MEGF10: variants seen among roughly 807,000 people sequenced by gnomAD.
MEGF10 encodes multiple epidermal growth factor-like domains protein 10.
In MEGF10, 86 loss-of-function variants were observed where a neutral mutation model predicts 147.5. The ratio of observed to expected loss-of-function variants is 0.58; its 90% CI spans 0.49 to 0.70. MEGF10 has a LOEUF of 0.70. Among genes scored for constraint, MEGF10 ranks in the 30% least tolerant of loss-of-function variants. The pLI is 0.00. For synonymous variants in MEGF10, 478 were observed against 525.5 expected (o/e 0.91, Z 1.24); for missense variants, 1,329 against 1,487.3 (o/e 0.89, Z 1.75).
At chr5:127,408,277 C>G (rs779294275) in intron 8 of MEGF10, among the ~76,000 whole-genome samples, 11 of 152,144 alleles carry the variant, frequency 7.2e-5, no homozygotes, top group Non-Finnish European at 1.5e-4. Context: ...TAAAACTTAA[C>G]ATTTGGGTTT....
In MEGF10 at chr5:127,433,484, C is replaced by T; in HGVS notation, c.1815C>T (p.Gly605=). ...PDDGICECAP[G]FRGTTCQRIC... is the part of the protein sequence containing the mutation. ...ATGGCATCTGCGAGTGTGCACCAGGCTTCCGAGGCACCACTTGTCAGAGGA... is the reference window on the plus strand; with the variant it reads ...ATGGCATCTGCGAGTGTGCACCAGGTTTCCGAGGCACCACTTGTCAGAGGA... The change falls in exon 14 of 25, where the codon GGC becomes GGT. Residue 605 remains glycine, a synonymous_variant. Transcript: ENST00000503335. The T allele has an allele frequency of 6.2e-7, 1 of 1,610,454 alleles. No homozygotes were observed. The highest frequency in any genetic ancestry group is 1.1e-5 in the South Asian group (1 of 90,358).
At chr5:127,265,608 C>A in the MEGF10 span, among the ~76,000 whole-genome samples, 1 of 152,116 alleles carries the variant, frequency 6.6e-6, no homozygotes, top group Non-Finnish European at 1.5e-5. Flanking sequence ...TAATGATCGC[C>A]ATTCTAACTG....
chr5:127,346,067 G>A (rs1761874113), intron 4 of MEGF10, among the ~76,000 whole-genome samples: 1 of 152,082 alleles, frequency 6.6e-6, no homozygotes, highest in Admixed American at 6.6e-5. Context: ...TGGTGTGTAT[G>A]TATGTATGTA....
chr5:127,349,932 A>G (rs1011269158), intron 4 of MEGF10, among the ~76,000 whole-genome samples: 8 of 152,120 alleles, frequency 5.3e-5, no homozygotes, highest in African/African-American at 1.4e-4. Flanking sequence ...GGTCATTGAG[A>G]TATGTAAATA....
In MEGF10 at chr5:127,423,749, G is replaced by A. The variant is rs79437883; in HGVS notation, c.1693+977G>A. Among the ~76,000 whole-genome samples the A allele has an allele frequency of 5.5e-3, 840 of 151,878 alleles. 11 individuals are homozygous for A. The highest frequency in any genetic ancestry group is 0.019 in the African/African-American group (775 of 41,422). ...AACTGGATTTTCTTTTTACTATGGC[G>A]TTATAATCTTTATATTTTTTAGATA... On this transcript the variant is annotated intron_variant, in intron 13 of 24. Coordinates refer to ENST00000503335, the MANE Select transcript of MEGF10 (RefSeq NM_001256545.2).
intron 8 of MEGF10, among the ~76,000 whole-genome samples, chr5:127,409,031 G>C (rs148047281): frequency 6.4e-4 from 98 of 152,164 alleles, no homozygotes; most frequent in African/African-American, 2.3e-3. Context: ...GAGCTATGAT[G>C]GCACCACTGC....
intron 5 of MEGF10, among the ~76,000 whole-genome samples, chr5:127,375,584 T>C (rs1475405083): frequency 6.6e-6 from 1 of 152,238 alleles, no homozygotes; most frequent in African/African-American, 2.4e-5. Flanking sequence ...TCCTAGCTTT[T>C]ATGAGTGAAT....
chr5:127,340,661 G>T, intron 4 of MEGF10, 31 bp downstream of exon 4: 1 of 1,583,772 alleles, frequency 6.3e-7, no homozygotes, highest in East Asian at 2.2e-5. Context: ...TTTGAGATTC[G>T]CTAGTTTTTC....
At position 127,398,090 on chromosome 5, in the gene MEGF10, A is replaced by G. The variant is rs1763990964; in HGVS notation, c.660-586A>G. 2.6e-5 allele frequency among the ~76,000 whole-genome samples: 4 copies of G among 151,448 alleles called. No individual in the cohort carries two copies. In the South Asian group the frequency reaches 8.4e-4, roughly 32 times the overall value. On this transcript the variant is annotated intron_variant, in intron 6 of 24. Coordinates refer to ENST00000503335, the MANE Select transcript of MEGF10 (RefSeq NM_001256545.2). Reference sequence around the variant, plus strand: ...GGGGGTGGGGGGAAAGGGGAGGGAGAGCATTAGGACAAATACCTAATGCAT... The same window carrying G: ...GGGGGTGGGGGGAAAGGGGAGGGAGGGCATTAGGACAAATACCTAATGCAT...
chr5:127,283,777 T>TA, the MEGF10 span, among the ~76,000 whole-genome samples: 1 of 152,336 alleles, frequency 6.6e-6, no homozygotes, highest in Admixed American at 6.5e-5. Flanking sequence ...GAGAGGGCAT[T>TA]ACATATGGTA....
chr5:127,282,884 G>C, the MEGF10 span, among the ~76,000 whole-genome samples: 1 of 152,190 alleles, frequency 6.6e-6, no homozygotes, highest in African/African-American at 2.4e-5. Context: ...TTGATCTTGA[G>C]AGCATCATGT....
At chr5:127,256,430 A>G in the MEGF10 span, among the ~76,000 whole-genome samples, 1 of 152,118 alleles carries the variant, frequency 6.6e-6, no homozygotes, top group Admixed American at 6.6e-5. Flanking sequence ...TCCTGTTAAT[A>G]ATTATCCCTG....
chr5:127,377,054 A>G (rs1056931343), intron 5 of MEGF10, among the ~76,000 whole-genome samples: 4 of 152,178 alleles, frequency 2.6e-5, no homozygotes, highest in Admixed American at 2.0e-4. Context: ...AATACTAGAG[A>G]TGATGAATTC....
chr5:127,255,972 T>TACTGCC, the MEGF10 span, among the ~76,000 whole-genome samples: 1 of 152,158 alleles, frequency 6.6e-6, no homozygotes, highest in Non-Finnish European at 1.5e-5. Context: ...GAGGAAATGC[T>TACTGCC]ACTGCCACTG....
chr5:127,438,524 A>G lies in MEGF10; in HGVS notation c.2190A>G (p.Glu730=). The G allele has an allele frequency of 1.2e-6, 2 of 1,614,128 alleles. No homozygotes were observed. The highest frequency in any genetic ancestry group is 1.7e-5 in the Admixed American group (1 of 60,018). Residue 730 remains glutamate, a synonymous_variant, in exon 17 of 25, where the codon GAA becomes GAG. Transcript: ENST00000503335. The stretch of plus-strand genomic sequence containing the variant: ...CTTTCTGCAGCGCCTACGATGGGGA[A>G]TGTAAATGCACTCCTGGCTGGACAG... ...NGAFCSAYDG[E]CKCTPGWTGL...
At chr5:127,372,716 G>A (rs1762890832) in intron 5 of MEGF10, among the ~76,000 whole-genome samples, 6 of 152,122 alleles carry the variant, frequency 3.9e-5, no homozygotes, top group Admixed American at 3.3e-4. Flanking sequence ...TCAGACATGG[G>A]TTATGAGTTT....
intron 5 of MEGF10, among the ~76,000 whole-genome samples, chr5:127,390,609 T>C (rs1355495212): frequency 6.6e-6 from 1 of 152,198 alleles, no homozygotes; most frequent in East Asian, 1.9e-4. Flanking sequence ...ATCTACTTTT[T>C]ATAATTATGA....
chr5:127,432,394 T>C (rs936348287), intron 13 of MEGF10, among the ~76,000 whole-genome samples: 72 of 152,212 alleles, frequency 4.7e-4, no homozygotes, highest in African/African-American at 1.7e-3. Flanking sequence ...ATCGTGGTAC[T>C]GGGTGGTTGT....
At chr5:127,280,982 A>G in the MEGF10 span, among the ~76,000 whole-genome samples, 143 of 152,276 alleles carry the variant, frequency 9.4e-4, no homozygotes, top group African/African-American at 3.4e-3. Flanking sequence ...GGAACCTGGG[A>G]CAATGGAGAA....
Sources: allele counts gnomAD v4.1 joint callset (sites outside exome capture counted in the v4.1 genomes callset), GRCh38; gene constraint gnomAD v4.1.1; transcripts MANE v1.5; gene names NCBI Gene and HGNC (gene_info 2026-07-23, HGNC 2026-07-21).